The following DGKI variants were observed in gnomAD, a reference collection of about 807,000 sequenced individuals.
DGKI encodes the protein DAG kinase iota.
A neutral mutation model predicts 147.5 loss-of-function variants in DGKI; 55 were observed. The observed-to-expected ratio is 0.37, with a 90% confidence interval of 0.30 to 0.47. The LOEUF (loss-of-function observed/expected upper bound fraction) is 0.47. Among genes scored for constraint, DGKI ranks in the 20% least tolerant of loss-of-function variants. DGKI has a pLI of 1.00. For synonymous variants in DGKI, 469 were observed against 477.1 expected (o/e 0.98, Z 0.22); for missense variants, 1,007 against 1,323.8 (o/e 0.76, Z 3.71).
chr7:137,553,075 C>T (rs555222230), intron 19 of DGKI, among the ~76,000 whole-genome samples: 31 of 152,282 alleles, frequency 2.0e-4, no homozygotes, highest in African/African-American at 5.1e-4. Flanking sequence ...ACAATTTTGA[C>T]GAGCTTTACC....
intron 20 of DGKI, among the ~76,000 whole-genome samples, chr7:137,535,169 A>T (rs962652640): frequency 1.3e-5 from 2 of 152,188 alleles, no homozygotes; most frequent in Non-Finnish European, 2.9e-5. Context: ...TACTAAAAAG[A>T]TGCACAAAAA....
chr7:137,465,809 A>G, intron 26 of DGKI, 99 bp downstream of exon 26: 1 of 1,452,516 alleles, frequency 6.9e-7, no homozygotes, highest in Non-Finnish European at 9.2e-7. Flanking sequence ...TACACTTCAA[A>G]ATCATTTGAT....
chr7:137,548,779 G>A lies in DGKI; in HGVS notation c.2147+3590C>T, dbSNP rs907598999. 2.0e-5 allele frequency among the ~76,000 whole-genome samples: 3 copies of A among 152,154 alleles called. No homozygotes were observed. The South Asian group carries it at 6.2e-4, about 31-fold the overall frequency. ...GCCCAGGACTTCGAGACCAGCCTGAGCAACATGGGGAAACCCTGTCTCTAC... is the reference window on the plus strand; with the variant it reads ...GCCCAGGACTTCGAGACCAGCCTGAACAACATGGGGAAACCCTGTCTCTAC... On this transcript the variant is annotated intron_variant, in intron 20 of 32. Transcript: ENST00000614521.
At chr7:137,688,411 G>A (rs991753648) in intron 2 of DGKI, among the ~76,000 whole-genome samples, 17 of 152,214 alleles carry the variant, frequency 1.1e-4, no homozygotes, top group African/African-American at 4.1e-4. Context: ...TCCTAACAAT[G>A]TCCATGAAAT....
chr7:137,697,451 T>C (rs1347518920), intron 1 of DGKI, among the ~76,000 whole-genome samples: 1 of 152,164 alleles, frequency 6.6e-6, no homozygotes. Flanking sequence ...AAAGTCAAAG[T>C]ATAAATAAGA....
At chr7:137,517,002 C>T (rs1816766387) in intron 21 of DGKI, among the ~76,000 whole-genome samples, 1 of 151,652 alleles carries the variant, frequency 6.6e-6, no homozygotes, top group Non-Finnish European at 1.5e-5. Context: ...GTTAACATCA[C>T]CAGGGATGTC....
chr7:137,609,080 A>G lies in DGKI; in HGVS notation c.1069-16T>C, dbSNP rs776372455. 3.7e-6 allele frequency: 6 copies of G among 1,602,562 alleles called. No homozygotes were observed. The East Asian group carries it at 1.1e-4, about 30-fold the overall frequency. On this transcript the variant is annotated splice_polypyrimidine_tract_variant and intron_variant, in intron 9 of 32. Coordinates refer to ENST00000614521, the MANE Select transcript of DGKI (RefSeq NM_001321708.2). ...TGTTTTCCTGCTGAAAGAAGCAATC[A>G]GCACTGTTAGGATACACATCCATGG...
chr7:137,673,701 A>G (rs1376730854), intron 3 of DGKI, among the ~76,000 whole-genome samples: 1 of 152,200 alleles, frequency 6.6e-6, no homozygotes, highest in African/African-American at 2.4e-5. Flanking sequence ...ATCTGTGCCT[A>G]TTCAGGTCTG....
intron 10 of DGKI, among the ~76,000 whole-genome samples, chr7:137,608,333 G>A (rs1820250601): frequency 6.6e-6 from 1 of 152,178 alleles, no homozygotes; most frequent in Admixed American, 6.6e-5. Flanking sequence ...CAAAGACCAG[G>A]ATTCAAGAAC....
chr7:137,685,497 CAT>C (rs757110956), intron 2 of DGKI, among the ~76,000 whole-genome samples: 1 of 152,134 alleles, frequency 6.6e-6, no homozygotes, highest in African/African-American at 2.4e-5. Context: ...GGAAGGGAGA[CAT>C]GTGACATTTA....
At chr7:137,771,552 C>G (rs1052045984) in intron 1 of DGKI, 1 of 152,188 alleles carries the variant, frequency 6.6e-6, no homozygotes, top group South Asian at 2.1e-4. Context: ...AGTAAATTCT[C>G]TCTTAAACAA....
chr7:137,487,137 G>T (rs762152024), intron 22 of DGKI, among the ~76,000 whole-genome samples: 3 of 152,056 alleles, frequency 2.0e-5, no homozygotes, highest in South Asian at 4.1e-4. Flanking sequence ...AAAAAAAATA[G>T]ATTATTCTTT....
intron 1 of DGKI, among the ~76,000 whole-genome samples, chr7:137,748,584 C>T (rs569463484): frequency 2.6e-5 from 4 of 152,260 alleles, no homozygotes; most frequent in South Asian, 2.1e-4. Flanking sequence ...AATGTATCTG[C>T]CCCTCACAGT....
intron 1 of DGKI, among the ~76,000 whole-genome samples, chr7:137,842,863 A>G (rs898417162): frequency 6.6e-6 from 1 of 152,190 alleles, no homozygotes; most frequent in Non-Finnish European, 1.5e-5. Flanking sequence ...TAATAATAAT[A>G]TGTAATGACC....
chr7:137,503,647 A>G (rs537067004), intron 21 of DGKI, among the ~76,000 whole-genome samples: 6 of 152,170 alleles, frequency 3.9e-5, no homozygotes, highest in Admixed American at 3.3e-4. Flanking sequence ...TTGGTCAATA[A>G]CTACATTCAG....
chr7:137,506,622 T>C lies in DGKI; in HGVS notation c.2248+15244A>G, dbSNP rs552968169. Among the ~76,000 whole-genome samples the C allele has an allele frequency of 3.5e-4, 54 of 152,284 alleles. No homozygotes were observed. The South Asian group carries it at 0.011, about 30-fold the overall frequency. ...TTCAGGCAATAATAACGTATCAGTATTGGCTCATCAATAGTAACAAATGAA... is the reference window on the plus strand; with the variant it reads ...TTCAGGCAATAATAACGTATCAGTACTGGCTCATCAATAGTAACAAATGAA... On this transcript the variant is annotated intron_variant, in intron 21 of 32. Coordinates refer to ENST00000614521, the MANE Select transcript of DGKI (RefSeq NM_001321708.2).
chr7:137,424,225 T>C (rs768621713), intron 28 of DGKI, among the ~76,000 whole-genome samples: 19 of 152,334 alleles, frequency 1.2e-4, no homozygotes, highest in Non-Finnish European at 2.4e-4. Context: ...TTCTGAAGCA[T>C]GCCCAAGACA....
chr7:137,392,037 T>C (rs1811384364), intron 32 of DGKI, among the ~76,000 whole-genome samples: 3 of 152,178 alleles, frequency 2.0e-5, no homozygotes, highest in Admixed American at 1.3e-4. Context: ...CTAGATTTTG[T>C]CTTTTATATG....
chr7:137,458,754 CCTCT>C (rs894637719), intron 27 of DGKI, among the ~76,000 whole-genome samples: 3 of 152,070 alleles, frequency 2.0e-5, no homozygotes, highest in African/African-American at 4.8e-5. Context: ...AAGTAAATTC[CCTCT>C]CTATTAATCT....
Sources: allele counts gnomAD v4.1 joint callset (sites outside exome capture counted in the v4.1 genomes callset), GRCh38; gene constraint gnomAD v4.1.1; transcripts MANE v1.5; gene names NCBI Gene and HGNC (gene_info 2026-07-23, HGNC 2026-07-21).